Variants in NAP1L1 observed in about 807,000 individuals in gnomAD.
NAP1L1 encodes nucleosome assembly protein 1 like 1.
NAP1L1 carries 9 observed loss-of-function variants against 58.9 expected under a neutral mutation model. That is an observed-to-expected ratio of 0.15 (90% CI 0.09 to 0.27). The LOEUF is 0.27. Among genes scored for constraint, NAP1L1 ranks in the 10% least tolerant of loss-of-function variants. NAP1L1 has a pLI of 1.00. For synonymous variants in NAP1L1, 130 were observed against 138.3 expected, an observed-to-expected ratio of 0.94 and a Z score of 0.42; for missense variants, 302 against 458.8, an observed-to-expected ratio of 0.66 and a Z score of 3.12.
intron 10 of NAP1L1, 22 bp downstream of exon 10, chr12:76,053,183 C>T: frequency 6.2e-7 from 1 of 1,612,930 alleles, no homozygotes. Context: ...ACCGTTAATA[C>T]TCAAGCTAAA....
intron 14 of NAP1L1, 147 bp from the exon 15 acceptor site, chr12:76,048,611 T>C: frequency 1.3e-6 from 1 of 750,066 alleles, no homozygotes. Flanking sequence ...ATTTATTTTA[T>C]TAGCAAGTCA....
intron 1 of NAP1L1, among the ~76,000 whole-genome samples, chr12:76,082,616 T>C (rs1016545322): frequency 7.2e-5 from 11 of 152,208 alleles, no homozygotes; most frequent in African/African-American, 2.4e-4. Flanking sequence ...TTTAGTTCCA[T>C]ACATTCTCCA....
At chr12:76,066,657 T>C (rs565309547) in intron 4 of NAP1L1, among the ~76,000 whole-genome samples, 1 of 152,130 alleles carries the variant, frequency 6.6e-6, no homozygotes, top group Non-Finnish European at 1.5e-5. Flanking sequence ...TGAAGCTGGA[T>C]GGTGCCAATT....
chr12:76,061,944 G>C (rs1159074067), intron 4 of NAP1L1, among the ~76,000 whole-genome samples: 1 of 152,122 alleles, frequency 6.6e-6, no homozygotes, highest in African/African-American at 2.4e-5. Flanking sequence ...TAACTACTGA[G>C]GCACACACAC....
intron 2 of NAP1L1, among the ~76,000 whole-genome samples, chr12:76,073,278 C>A (rs1950042451): frequency 6.6e-6 from 1 of 152,060 alleles, no homozygotes; most frequent in African/African-American, 2.4e-5. Context: ...ATGCCTACAA[C>A]AGCTATGGAA....
chr12:76,061,125 G>T lies in NAP1L1; in HGVS notation c.207-846C>A, dbSNP rs139272262. On this transcript the variant is annotated intron_variant, in intron 4 of 14. Coordinates refer to ENST00000618691, the MANE Select transcript of NAP1L1 (RefSeq NM_004537.7). ...TAAATAACAGCTTTGATGAGATAAA[G>T]TTCATACACCATACAATGAACTGTG... 703 of 359,878 alleles carry T rather than the reference G, an allele frequency of 2.0e-3. 3 individuals carry two copies. Among genetic ancestry groups the T allele is most frequent in the Middle Eastern group, 3.1e-3 (8 of 2,554 alleles). 22.3% of individuals were successfully genotyped at this position (359,878 alleles called of 1,614,324 possible).
At position 76,039,018 on chromosome 12, in the gene NAP1L1, G is replaced by C. The variant is rs2136931532; in HGVS notation, c.*9411C>G. On this transcript the variant is annotated 3_prime_UTR_variant, in exon 15 of 15. Coordinates refer to ENST00000618691, the MANE Select transcript of NAP1L1 (RefSeq NM_004537.7). ...CTCCAATCATAATTAATCCTTTTGG[G>C]CCGTATTTAAAGAAAATTACTTTTC... 6.6e-6 allele frequency: 1 copy of C among 152,184 alleles called. No individual in the cohort carries two copies. Among genetic ancestry groups the C allele is most frequent in the African/African-American group, 2.4e-5 (1 of 41,520 alleles). 9.4% of individuals were successfully genotyped at this position (152,184 alleles called of 1,614,324 possible). A position where few individuals can be genotyped will look rare whatever the true frequency, so the allele number is the denominator to read the frequency against.
intron 2 of NAP1L1, among the ~76,000 whole-genome samples, chr12:76,070,266 G>C (rs1255767585): frequency 6.6e-6 from 1 of 152,132 alleles, no homozygotes; most frequent in African/African-American, 2.4e-5. Flanking sequence ...GGGACTACAG[G>C]AGTGCGCCAC....
chr12:76,054,111 C>A (rs139208450), intron 8 of NAP1L1, among the ~76,000 whole-genome samples: 1 of 152,200 alleles, frequency 6.6e-6, no homozygotes. Flanking sequence ...CTCACTGCAA[C>A]CTTTGCCTCC....
chr12:76,053,958 T>G (rs1948956157), intron 8 of NAP1L1, 49 bp from the exon 9 acceptor site: 43 of 1,549,916 alleles, frequency 2.8e-5, no homozygotes, highest in Non-Finnish European at 3.7e-5. Context: ...CTCACATATT[T>G]CAGTACTTTA....
chr12:76,073,120 T>G (rs1950032166), intron 2 of NAP1L1, among the ~76,000 whole-genome samples: 1 of 152,158 alleles, frequency 6.6e-6, no homozygotes, highest in Non-Finnish European at 1.5e-5. Context: ...CTCGTTTTTT[T>G]TAATGCTGAA....
intron 6 of NAP1L1, chr12:76,057,973 T>G (rs1394328885): frequency 1.0e-6 from 1 of 952,880 alleles, no homozygotes; most frequent in African/African-American, 1.6e-5. Context: ...ACACAAAGAT[T>G]TTTTGCTCAA....
chr12:76,060,343 T>C (rs947147144), intron 4 of NAP1L1, 64 bp from the exon 5 acceptor site: 18 of 1,517,452 alleles, frequency 1.2e-5, no homozygotes, highest in Non-Finnish European at 1.5e-5. Flanking sequence ...TCTTTTGTCA[T>C]ACTGAAACTG....
intron 4 of NAP1L1, among the ~76,000 whole-genome samples, chr12:76,062,303 G>A (rs1949452593): frequency 6.6e-6 from 1 of 152,156 alleles, no homozygotes; most frequent in Non-Finnish European, 1.5e-5. Context: ...AACTTTCAGT[G>A]TAAGGCAACT....
At chr12:76,060,300 T>G in intron 4 of NAP1L1, 21 bp from the exon 5 acceptor site, 1 of 1,610,964 alleles carries the variant, frequency 6.2e-7, no homozygotes, top group East Asian at 2.2e-5. Context: ...AGAAATCAGT[T>G]ATATAGCATC....
At chr12:76,059,388 T>C (rs1322065272) in intron 6 of NAP1L1, among the ~76,000 whole-genome samples, 1 of 152,240 alleles carries the variant, frequency 6.6e-6, no homozygotes, top group Non-Finnish European at 1.5e-5. Context: ...AAAATTCTAC[T>C]AACCAATTAA....
At position 76,083,484 on chromosome 12, in the gene NAP1L1, A is replaced by C. The variant is rs532696795; in HGVS notation, c.-21+1083T>G. Among the ~76,000 whole-genome samples the C allele has an allele frequency of 4.6e-5, 7 of 151,512 alleles. No homozygotes were observed. The South Asian group carries it at 1.5e-3, about 32-fold the overall frequency. The stretch of plus-strand genomic sequence containing the variant: ...TGAGCTTTTTTTTCCAAAAAAAAAA[A>C]AAAAAAAAAAACCTCATGAATTTGT... On this transcript the variant is annotated intron_variant, in intron 1 of 14. Transcript: ENST00000618691.
Position 76,053,807 on chromosome 12 carries a change from A to C in NAP1L1, c.733T>G (p.Phe245Val). Residue 245 changes from phenylalanine to valine, a missense_variant, in exon 9 of 15, where the codon TTT (phenylalanine) becomes GTT (valine). By Grantham distance (50) the Phe-to-Val change is conservative (BLOSUM62 -1). Transcript: ENST00000618691. ...MRSEPDDSDP[F>V]SFDGPEIMGC... Reference sequence around the variant, plus strand: ...ATAATTTCTGGTCCATCAAAAGAAAAGGGATCAGAATCATCTGGTTCTGAC... The same window carrying C: ...ATAATTTCTGGTCCATCAAAAGAAACGGGATCAGAATCATCTGGTTCTGAC... The C allele has an allele frequency of 6.2e-7, 1 of 1,609,346 alleles. No individual in the cohort carries two copies. Among genetic ancestry groups the C allele is most frequent in the South Asian group, 1.1e-5 (1 of 89,964 alleles).
At position 76,044,940 on chromosome 12, in the gene NAP1L1, T is replaced by C. The variant is rs1479204612; in HGVS notation, c.*3489A>G. 1 of 152,192 alleles carries C rather than the reference T, an allele frequency of 6.6e-6. No homozygotes were observed. The highest frequency in any genetic ancestry group is 1.9e-4 in the East Asian group (1 of 5,204). 9.4% of individuals were successfully genotyped at this position (152,192 alleles called of 1,614,324 possible). On this transcript the variant is annotated 3_prime_UTR_variant, in exon 15 of 15. Transcript: ENST00000618691. ...TAATATCTGGAGTTTTAATCCAGCA[T>C]ACAAAAATCACCAGTATACATCTAT...
Sources: allele counts gnomAD v4.1 joint callset (sites outside exome capture counted in the v4.1 genomes callset), GRCh38; gene constraint gnomAD v4.1.1; transcripts MANE v1.5; gene names NCBI Gene and HGNC (gene_info 2026-07-23, HGNC 2026-07-21).